Variants in ST18 observed in about 807,000 individuals in gnomAD.
ST18 encodes the protein ST18 C2H2C-type zinc finger transcription factor.
ST18 carries 50 observed loss-of-function variants against 110.0 expected under a neutral mutation model. The observed-to-expected ratio is 0.45, with a 90% CI of 0.36 to 0.58. The LOEUF (loss-of-function observed/expected upper bound fraction) is 0.58. Ranked by LOEUF, ST18 falls within the 20% of genes least tolerant of loss-of-function variation. ST18 has a pLI of 0.00. For synonymous variants in ST18, 461 were observed against 452.4 expected, an observed-to-expected ratio of 1.02 and a Z score of -0.24; for missense variants, 1,306 against 1,280.1, an observed-to-expected ratio of 1.02 and a Z score of -0.31.
At chr8:52,352,061 T>C (rs1019460381) in intron 2 of ST18, among the ~76,000 whole-genome samples, 2 of 151,820 alleles carry the variant, frequency 1.3e-5, no homozygotes, top group South Asian at 4.2e-4. Flanking sequence ...GCACCTGGAG[T>C]TGGAAACCGG....
intron 2 of ST18, among the ~76,000 whole-genome samples, chr8:52,359,205 A>G (rs577209210): frequency 6.6e-6 from 1 of 152,190 alleles, no homozygotes; most frequent in Admixed American, 6.5e-5. Context: ...AACATTCAAC[A>G]AACTATAATA....
chr8:52,337,971 G>A (rs1812916756), intron 2 of ST18, among the ~76,000 whole-genome samples: 1 of 152,202 alleles, frequency 6.6e-6, no homozygotes, highest in African/African-American at 2.4e-5. Context: ...ACCAGTTTAA[G>A]AATGTCAGGA....
intron 2 of ST18, among the ~76,000 whole-genome samples, chr8:52,304,574 T>C (rs546938277): frequency 4.1e-4 from 63 of 152,344 alleles, no homozygotes; most frequent in African/African-American, 1.4e-3. Flanking sequence ...GTTTATCATA[T>C]CAAAACTTAC....
At chr8:52,124,697 C>T (rs374839496) in intron 23 of ST18, among the ~76,000 whole-genome samples, 10 of 152,114 alleles carry the variant, frequency 6.6e-5, no homozygotes, top group Admixed American at 2.6e-4. Context: ...GCTGGAAAGA[C>T]TGGAAGAGGC....
chr8:52,252,913 G>C (rs993791997), intron 2 of ST18, among the ~76,000 whole-genome samples: 2 of 151,950 alleles, frequency 1.3e-5, no homozygotes, highest in African/African-American at 4.8e-5. Context: ...AGCAAAGTTA[G>C]GGAAGCCTAA....
At chr8:52,234,673 A>G (rs2092314267) in intron 2 of ST18, among the ~76,000 whole-genome samples, 1 of 152,184 alleles carries the variant, frequency 6.6e-6, no homozygotes, top group African/African-American at 2.4e-5. Flanking sequence ...GCAATTGTAA[A>G]AAATGCGGAA....
At chr8:52,139,674 T>A in intron 17 of ST18, among the ~76,000 whole-genome samples, 1 of 148,534 alleles carries the variant, frequency 6.7e-6, no homozygotes, top group Non-Finnish European at 1.5e-5. Flanking sequence ...ATTTTTAAAT[T>A]ACTCCGATTA....
intron 2 of ST18, among the ~76,000 whole-genome samples, chr8:52,361,325 T>C (rs752330893): frequency 1.3e-5 from 2 of 152,164 alleles, no homozygotes; most frequent in African/African-American, 2.4e-5. Flanking sequence ...TAATTTCTGA[T>C]CACACCACAG....
intron 2 of ST18, among the ~76,000 whole-genome samples, chr8:52,303,779 T>C (rs1369621487): frequency 1.3e-5 from 2 of 152,214 alleles, no homozygotes; most frequent in Admixed American, 1.3e-4. Flanking sequence ...AACTTAGGAA[T>C]TATTCTAGAT....
intron 2 of ST18, among the ~76,000 whole-genome samples, chr8:52,375,676 C>A (rs995663862): frequency 7.9e-5 from 12 of 152,192 alleles, no homozygotes; most frequent in African/African-American, 2.4e-4. Context: ...GATTTAAACA[C>A]CCTCCGTATG....
At chr8:52,319,452 C>T (rs1802914788) in intron 2 of ST18, among the ~76,000 whole-genome samples, 1 of 152,038 alleles carries the variant, frequency 6.6e-6, no homozygotes, top group African/African-American at 2.4e-5. Context: ...TTTCCATATT[C>T]CAGACCTTCA....
chr8:52,205,606 C>T (rs1166917808), intron 8 of ST18, among the ~76,000 whole-genome samples: 2 of 151,838 alleles, frequency 1.3e-5, no homozygotes, highest in Non-Finnish European at 1.5e-5. Flanking sequence ...ACTCTGTTGC[C>T]CAGGCTGCTG....
chr8:52,146,702 A>C (rs543920165), intron 16 of ST18, among the ~76,000 whole-genome samples: 1 of 152,138 alleles, frequency 6.6e-6, no homozygotes, highest in Non-Finnish European at 1.5e-5. Flanking sequence ...ATACAATCTA[A>C]TTTTTCAAAA....
chr8:52,152,975 T>C (rs897439362), intron 15 of ST18, among the ~76,000 whole-genome samples: 15 of 152,102 alleles, frequency 9.9e-5, no homozygotes, highest in Middle Eastern at 3.2e-3. Flanking sequence ...TGTTTACAAC[T>C]AGGGAAAAAA....
chr8:52,173,373 G>C (rs1052807723), intron 9 of ST18, among the ~76,000 whole-genome samples: 1 of 152,212 alleles, frequency 6.6e-6, no homozygotes, highest in African/African-American at 2.4e-5. Context: ...TCAGTACAAG[G>C]CTACTTTGGG....
At chr8:52,309,098 G>A (rs1360349533) in intron 2 of ST18, among the ~76,000 whole-genome samples, 1 of 152,120 alleles carries the variant, frequency 6.6e-6, no homozygotes, top group Non-Finnish European at 1.5e-5. Context: ...CTTATATAAG[G>A]GTCGGTACTG....
intron 2 of ST18, chr8:52,406,357 A>G (rs908256556): frequency 6.6e-6 from 1 of 152,412 alleles, no homozygotes; most frequent in African/African-American, 2.4e-5. Context: ...GGGTTATGTG[A>G]GAAACAAGAA....
chr8:52,182,787 A>G (rs1041127969), intron 8 of ST18, among the ~76,000 whole-genome samples: 1 of 152,210 alleles, frequency 6.6e-6, no homozygotes, highest in Non-Finnish European at 1.5e-5. Context: ...TGCATGTTCC[A>G]TAACAGGACT....
chr8:52,141,646 T>C lies in ST18; in HGVS notation c.2168+1284A>G, dbSNP rs553791837. ...GCCTGAAGGCCTCTCACATAAGTGA[T>C]TGAGAGAAGAGCTGCGCTGAGGGAG... On this transcript the variant is annotated intron_variant, in intron 17 of 25. Transcript: ENST00000689386. 2.9e-3 allele frequency among the ~76,000 whole-genome samples: 232 copies of C among 79,430 alleles called. 2 individuals are homozygous for C. The highest frequency in any genetic ancestry group is 0.023 in the South Asian group (71 of 3,090). 52.1% of individuals were successfully genotyped at this position (79,430 alleles called of 152,430 possible).
Sources: gnomAD v4.1 joint callset for allele counts (sites outside exome capture counted in the v4.1 genomes callset) on GRCh38, gnomAD v4.1.1 for gene constraint, MANE v1.5 for transcripts, NCBI Gene and HGNC (gene_info 2026-07-23, HGNC 2026-07-21) for gene names.